Variants in PHLPP1 observed in about 807,000 individuals in gnomAD.
The protein encoded by PHLPP1 is PH domain and leucine rich repeat protein phosphatase 1, also known as PH domain leucine-rich repeat-containing protein phosphatase 1.
PHLPP1 carries 42 observed loss-of-function variants against 117.2 expected under a neutral mutation model. The ratio of observed to expected loss-of-function variants is 0.36; its 90% confidence interval spans 0.28 to 0.46. PHLPP1 has a LOEUF of 0.46. PHLPP1 is among the 20% of genes least tolerant of loss of function. The pLI is 1.00. For synonymous variants in PHLPP1, 1,042 were observed against 970.7 expected (o/e 1.07, Z -1.37); for missense variants, 2,084 against 2,241.9 (o/e 0.93, Z 1.42).
At chr18:62,726,641 T>C (rs1158080808) in intron 1 of PHLPP1, among the ~76,000 whole-genome samples, 1 of 145,616 alleles carries the variant, frequency 6.9e-6, no homozygotes, top group East Asian at 2.0e-4. Flanking sequence ...TGGAGTGCAG[T>C]GGTGTGATCT....
At chr18:62,787,404 A>T (rs1369381506) in intron 1 of PHLPP1, among the ~76,000 whole-genome samples, 1 of 152,044 alleles carries the variant, frequency 6.6e-6, no homozygotes. Context: ...CTGACCTCAG[A>T]TGATCCGCCC....
At chr18:62,892,034 A>G (rs1916430525) in intron 4 of PHLPP1, among the ~76,000 whole-genome samples, 2 of 151,060 alleles carry the variant, frequency 1.3e-5, no homozygotes, top group South Asian at 4.1e-4. Context: ...AATAGTAAGA[A>G]AAGTGTCATT....
chr18:62,953,219 C>G (rs1368455305), intron 12 of PHLPP1, among the ~76,000 whole-genome samples: 1 of 152,190 alleles, frequency 6.6e-6, no homozygotes, highest in Non-Finnish European at 1.5e-5. Flanking sequence ...GTGTAGACTA[C>G]TTCTGTATGA....
Position 62,715,626 on chromosome 18 carries a change from G to A in PHLPP1, c.-58G>A. On this transcript the variant is annotated 5_prime_UTR_variant, in exon 1 of 17. Transcript: ENST00000262719. ...CGCCGTCTCCCACCTCCGCCTCATC[G>A]CCTCCCTCTCCGCCCGCTGCCTCCG... The A allele has an allele frequency of 8.6e-7, 1 of 1,160,548 alleles. No individual in the cohort carries two copies. Among genetic ancestry groups the A allele is most frequent in the Non-Finnish European group, 1.1e-6 (1 of 916,764 alleles). The allele number at this position is 1,160,548 out of a possible 1,614,324, so 71.9% of individuals were successfully genotyped here. A position where few individuals can be genotyped will look rare whatever the true frequency, so the allele number is the denominator to read the frequency against.
rs912506783 is a variant in PHLPP1, at chr18:62,787,988, T to A, written c.1577-42047T>A. On this transcript the variant is annotated intron_variant, in intron 1 of 16. Transcript: ENST00000262719. ...CTGCCTTTGGGAGAACATTGCTAGT[T>A]TTATTAGACCTCAATGGCACTGTAT... Among the ~76,000 whole-genome samples, 3 of 152,208 alleles carry A rather than the reference T, an allele frequency of 2.0e-5. No homozygotes were observed. In the East Asian group the frequency reaches 5.8e-4, roughly 29 times the overall value.
chr18:62,816,042 T>C (rs550614855), intron 1 of PHLPP1, among the ~76,000 whole-genome samples: 155 of 152,346 alleles, frequency 1.0e-3, no homozygotes, highest in Non-Finnish European at 1.8e-3. Context: ...GCATTCTACT[T>C]TAACCAGTTT....
At chr18:62,905,614 T>C (rs1370651931) in intron 8 of PHLPP1, among the ~76,000 whole-genome samples, 1 of 152,154 alleles carries the variant, frequency 6.6e-6, no homozygotes, top group African/African-American at 2.4e-5. Context: ...GTAATGTTAA[T>C]TTTATTTTTT....
At chr18:62,970,169 A>G (rs1477864711) in intron 14 of PHLPP1, among the ~76,000 whole-genome samples, 1 of 152,106 alleles carries the variant, frequency 6.6e-6, no homozygotes, top group African/African-American at 2.4e-5. Context: ...TTAACTCATT[A>G]CTGTTTACCT....
In PHLPP1 at chr18:62,716,804, C is replaced by T. The variant is rs1910758384; in HGVS notation, c.1121C>T (p.Ser374Leu). 2 of 1,526,724 alleles carry T rather than the reference C, an allele frequency of 1.3e-6. No individual in the cohort carries two copies. Among genetic ancestry groups the T allele is most frequent in the Admixed American group, 2.0e-5 (1 of 50,232 alleles). 94.6% of individuals were successfully genotyped at this position (1,526,724 alleles called of 1,614,324 possible). ...TACAGCAGCGGCGGCGGCTCCTCGTCGTCGTCGGAAGAGCTCGAGGCCGAC... is the reference window on the plus strand; with the variant it reads ...TACAGCAGCGGCGGCGGCTCCTCGTTGTCGTCGGAAGAGCTCGAGGCCGAC... ...DPYSSGGGSS[S>L]SSEELEADAA... The change falls in exon 1 of 17, where the codon TCG becomes TTG. Residue 374 changes from serine (S) to leucine (L), a missense_variant. Transcript: ENST00000262719. The surrounding 1 kb of genome is among the most constrained non-coding windows in gnomAD (Gnocchi z 5.7).
In PHLPP1 at chr18:62,919,872, C is replaced by G. The variant is rs1263592364; in HGVS notation, c.2805-87C>G. The G allele has an allele frequency of 5.5e-6, 5 of 904,776 alleles. No individual in the cohort carries two copies. The Admixed American group carries it at 1.0e-4, about 19-fold the overall frequency. 56.0% of individuals were successfully genotyped at this position (904,776 alleles called of 1,614,324 possible). ...ATATTAAAATGAATTTGTAGTTGCT[C>G]CAAGTGAATTTGTGATTTTTGGAGA... On this transcript the variant is annotated intron_variant, in intron 9 of 16. Transcript: ENST00000262719.
chr18:62,968,809 C>T (rs1324701763), intron 14 of PHLPP1, among the ~76,000 whole-genome samples: 3 of 152,092 alleles, frequency 2.0e-5, no homozygotes, highest in Admixed American at 6.5e-5. Flanking sequence ...GCTGGGATTA[C>T]AGGCATGAGC....
rs558281915 is a variant in PHLPP1 at position 62,766,162 on chromosome 18, G to A, written c.1576+48903G>A. On this transcript the variant is annotated intron_variant, in intron 1 of 16. Coordinates refer to ENST00000262719, the MANE Select transcript of PHLPP1 (RefSeq NM_194449.4). ...TGGAGATAATAATGTAAGATGAATA[G>A]GATTTAGATAGGTGGAGAGGAAAAC... 2.9e-5 allele frequency among the ~76,000 whole-genome samples: 4 copies of A among 137,184 alleles called. No individual in the cohort carries two copies. The Admixed American group carries it at 3.0e-4, about 10-fold the overall frequency. The allele number at this position is 137,184 out of a possible 152,430, so 90.0% of individuals were successfully genotyped here.
At chr18:62,939,115 C>T (rs1351750381) in intron 10 of PHLPP1, among the ~76,000 whole-genome samples, 2 of 151,458 alleles carry the variant, frequency 1.3e-5, no homozygotes, top group Admixed American at 6.6e-5. Context: ...CTCACCCTCT[C>T]GAGTAGCTGG....
At chr18:62,890,067 C>T (rs1258950567) in intron 4 of PHLPP1, among the ~76,000 whole-genome samples, 1 of 134,782 alleles carries the variant, frequency 7.4e-6, no homozygotes, top group Non-Finnish European at 1.6e-5. Flanking sequence ...GGACTGAGGG[C>T]AGTTCTCTTT....
Position 62,979,604 on chromosome 18 carries a change from A to T in PHLPP1, c.*173A>T. 1 of 666,862 alleles carries T rather than the reference A, an allele frequency of 1.5e-6. No homozygotes were observed. Among genetic ancestry groups the T allele is most frequent in the Non-Finnish European group, 2.5e-6 (1 of 398,102 alleles). 41.3% of individuals were successfully genotyped at this position (666,862 alleles called of 1,614,324 possible). A position where few individuals can be genotyped will look rare whatever the true frequency, so the allele number is the denominator to read the frequency against. ...CTTTCTTTGGGTTATTTTTTTAAGT[A>T]ATCACCACTTTCTTCTAGTGATGCT... On this transcript the variant is annotated 3_prime_UTR_variant, in exon 17 of 17. Transcript: ENST00000262719.
Position 62,911,271 on chromosome 18 carries a change from C to T in PHLPP1, c.2709-3642C>T, listed in dbSNP as rs1470946258. 7.5e-5 allele frequency among the ~76,000 whole-genome samples: 4 copies of T among 53,308 alleles called. 1 individual carries two copies. The highest frequency in any genetic ancestry group is 3.0e-4 in the East Asian group (1 of 3,288). The allele number at this position is 53,308 out of a possible 152,430, so 35.0% of individuals were successfully genotyped here. A position where few individuals can be genotyped will look rare whatever the true frequency, so the allele number is the denominator to read the frequency against. ...GACTTCATGTCCAAAACACCAAAAG[C>T]AATGGCAACAAAAGCCAAAATTGAC... is the stretch of plus-strand genomic sequence containing the variant. On this transcript the variant is annotated intron_variant, in intron 8 of 16. Transcript: ENST00000262719.
Position 62,861,871 on chromosome 18 carries a change from A to G in PHLPP1, c.2066+1270A>G, listed in dbSNP as rs565805091. On this transcript the variant is annotated intron_variant, in intron 4 of 16. Transcript: ENST00000262719. Reference sequence around the variant, plus strand: ...GTTCTAAAATGGAATCTAAAACCCTATTCGTGAGCTTTTTGAATTCTTTAA... The same window carrying G: ...GTTCTAAAATGGAATCTAAAACCCTGTTCGTGAGCTTTTTGAATTCTTTAA... Among the ~76,000 whole-genome samples the G allele has an allele frequency of 5.3e-4, 81 of 152,304 alleles. 1 individual carries two copies. The South Asian group carries it at 0.016, about 31-fold the overall frequency.
intron 3 of PHLPP1, among the ~76,000 whole-genome samples, chr18:62,853,526 C>G (rs1915414282): frequency 6.6e-6 from 1 of 152,096 alleles, no homozygotes; most frequent in East Asian, 1.9e-4. Context: ...CCCGCCACCC[C>G]ACCCAGCTAA....
At chr18:62,768,000 T>C (rs1912609679) in intron 1 of PHLPP1, among the ~76,000 whole-genome samples, 1 of 152,204 alleles carries the variant, frequency 6.6e-6, no homozygotes, top group Non-Finnish European at 1.5e-5. Flanking sequence ...GACGTGAGGC[T>C]CAAGTCATCT....
Sources: allele counts gnomAD v4.1 joint callset (sites outside exome capture counted in the v4.1 genomes callset), GRCh38; gene constraint gnomAD v4.1.1; non-coding constraint Gnocchi (gnomAD v3.1); transcripts MANE v1.5; gene names NCBI Gene and HGNC (gene_info 2026-07-23, HGNC 2026-07-21).